Variants in PLAU observed in about 807,000 individuals in gnomAD.
The protein encoded by PLAU is urokinase-type plasminogen activator.
Under a neutral mutation model 48.9 loss-of-function variants are expected in PLAU, and 32 were observed. The observed-to-expected ratio is 0.65, with a 90% CI of 0.49 to 0.88. PLAU has a LOEUF of 0.88. PLAU is among the 40% of genes least tolerant of loss of function. PLAU has a pLI of 0.00. For synonymous variants in PLAU, 199 were observed against 205.7 expected, an observed-to-expected ratio of 0.97 and a Z score of 0.28; for missense variants, 455 against 545.2, an observed-to-expected ratio of 0.83 and a Z score of 1.65.
In PLAU at chr10:73,915,416, T is replaced by TC. The variant is rs1162049872; in HGVS notation, c.1119+18dup. ...TCCTGCCAGGTGAGTGTTCCAAGCA[T>TC]CTCTCTCCACCTCTTCCATATCTCC... On this transcript the variant is annotated intron_variant, in intron 10 of 10. Coordinates refer to ENST00000372764, the MANE Select transcript of PLAU (RefSeq NM_002658.6). 6.9e-6 allele frequency: 11 copies of TC among 1,591,162 alleles called. No homozygotes were observed. The Admixed American group carries it at 1.4e-4, about 20-fold the overall frequency.
At chr10:73,914,660 C>A in intron 8 of PLAU, 116 bp from the exon 9 acceptor site, 1 of 978,400 alleles carries the variant, frequency 1.0e-6, no homozygotes, top group Non-Finnish European at 1.5e-6. Flanking sequence ...CAGCAGACCT[C>A]CCTGGATGAC....
chr10:73,914,037 C>T lies in PLAU; in HGVS notation c.738C>T (p.Ser246=). 1.9e-6 allele frequency: 3 copies of T among 1,613,930 alleles called. No homozygotes were observed. Among genetic ancestry groups the T allele is most frequent in the Non-Finnish European group, 2.5e-6 (3 of 1,179,780 alleles). ...ACCTGGGTCGCTCAAGGCTTAACTC[C>T]AACACGCAAGGGGAGATGAAGTTTG... is the stretch of plus-strand genomic sequence containing the variant. The part of the protein sequence containing the change: ...IVYLGRSRLN[S]NTQGEMKFEV... The change falls in exon 8 of 11, where the codon TCC becomes TCT. Residue 246 remains serine (S), a synonymous_variant. Transcript: ENST00000372764.
rs750391337 is a variant in PLAU, at chr10:73,913,579, G to A, written c.501G>A (p.Gln167=). 1 of 1,613,808 alleles carries A rather than the reference G, an allele frequency of 6.2e-7. No individual in the cohort carries two copies. Among genetic ancestry groups the A allele is most frequent in the Admixed American group, 1.7e-5 (1 of 59,954 alleles). Residue 167 remains glutamine (Q), a synonymous_variant, in exon 7 of 11, where the codon CAG becomes CAA. Transcript: ENST00000372764. ...PSSPPEELKF[Q]CGQKTLRPRF... The stretch of plus-strand genomic sequence containing the variant: ...CTCCTCCAGAAGAATTAAAATTTCA[G>A]TGTGGCCAAAAGACTCTGAGGCCCC...
At chr10:73,915,061 G>A in intron 9 of PLAU, 145 bp downstream of exon 9, 1 of 1,050,352 alleles carries the variant, frequency 9.5e-7, no homozygotes, top group Non-Finnish European at 1.4e-6. Flanking sequence ...GATGAAGAGT[G>A]TTGTTTAGGG....
At position 73,912,224 on chromosome 10, in the gene PLAU, ACTGT is replaced by A. The variant is rs1246794053; in HGVS notation, c.98_101del (p.Cys33Ter). ...CCTTTGTTCTCTCCAGCGAACTGTGACTGTCTAAATGGAGGAACATGTGTGTCCA... is the reference window on the plus strand; with the variant it reads ...CCTTTGTTCTCTCCAGCGAACTGTGACTAAATGGAGGAACATGTGTGTCCA... On this transcript the variant is annotated frameshift_variant, in exon 4 of 11. Transcript: ENST00000372764. LOFTEE classifies it high-confidence loss of function. 5 of 1,614,010 alleles carry A rather than the reference ACTGT, an allele frequency of 3.1e-6. No homozygotes were observed. The Admixed American group carries it at 8.3e-5, about 27-fold the overall frequency.
intron 2 of PLAU, 151 bp downstream of exon 2, chr10:73,911,763 A>C (rs1297359816): frequency 6.4e-7 from 1 of 1,552,136 alleles, no homozygotes. Context: ...GTGGCAGCGG[A>C]GGCTTGAGAA....
chr10:73,912,291 A>G lies in PLAU; in HGVS notation c.162A>G (p.Pro54=), dbSNP rs142059320. 4,419 of 1,613,946 alleles carry G rather than the reference A, an allele frequency of 2.7e-3. 13 individuals are homozygous for G. Among genetic ancestry groups the G allele is most frequent in the Non-Finnish European group, 3.4e-3 (4,063 of 1,180,020 alleles). The change falls in exon 4 of 11, where the codon CCA becomes CCG. Residue 54 remains proline (P), a synonymous_variant. Transcript: ENST00000372764. ...CCAACATTCACTGGTGCAACTGCCC[A>G]AAGAAATTCGGAGGGCAGCACTGTG... ...YFSNIHWCNC[P]KKFGGQHCEI... is the part of the protein sequence containing the mutation.
intron 4 of PLAU, among the ~76,000 whole-genome samples, chr10:73,912,545 G>A (rs1014074238): frequency 8.5e-5 from 13 of 152,188 alleles, no homozygotes; most frequent in Admixed American, 2.6e-4. Flanking sequence ...GGTCTGAAAC[G>A]ACATCTTTAA....
chr10:73,912,152 A>G, intron 3 of PLAU, 63 bp from the exon 4 acceptor site: 1 of 1,612,914 alleles, frequency 6.2e-7, no homozygotes, highest in Non-Finnish European at 8.5e-7. Flanking sequence ...CCTCTGCTGC[A>G]GGGCTGCGCC....
In PLAU at chr10:73,914,183, C is replaced by T. The variant is rs1331013076; in HGVS notation, c.829+55C>T. 4 of 1,590,252 alleles carry T rather than the reference C, an allele frequency of 2.5e-6. No homozygotes were observed. In the East Asian group the frequency reaches 6.7e-5, roughly 27 times the overall value. On this transcript the variant is annotated intron_variant, in intron 8 of 10. Transcript: ENST00000372764. ...CATAATGGCTTGGGGAGAGTGGGAC[C>T]CAGGGAGAGACTGGAGCTGAGGTTG...
chr10:73,908,857 CAAAA>C (rs11339212), upstream of PLAU, among the ~76,000 whole-genome samples: 6 of 102,630 alleles, frequency 5.8e-5, no homozygotes, highest in Admixed American at 1.0e-4. Flanking sequence ...GACTCCGTCT[CAAAA>C]AAAAAAAAAA....
chr10:73,914,928 T>C lies in PLAU; in HGVS notation c.970+12T>C. The C allele has an allele frequency of 1.2e-6, 2 of 1,613,506 alleles. No individual in the cohort carries two copies. Among genetic ancestry groups the C allele is most frequent in the East Asian group, 2.2e-5 (1 of 44,886 alleles). ...AAAAGAGAATTCTAGTAAGTGACAA[T>C]TGCGACTGACTTAGAAGGTCCTGAG... On this transcript the variant is annotated intron_variant, in intron 9 of 10. Coordinates refer to ENST00000372764, the MANE Select transcript of PLAU (RefSeq NM_002658.6).
At chr10:73,909,759 C>T (rs1465042464), upstream of PLAU, among the ~76,000 whole-genome samples, 5 of 152,236 alleles carry the variant, frequency 3.3e-5, no homozygotes, top group East Asian at 7.7e-4. Context: ...CCTCCTCCTT[C>T]CCACTAAGAG....
At position 73,916,963 on chromosome 10, in the gene PLAU, C is replaced by T. The variant is rs190769030; in HGVS notation, c.*398C>T. 260 of 177,268 alleles carry T rather than the reference C, an allele frequency of 1.5e-3. 1 individual carries two copies. Among genetic ancestry groups the T allele is most frequent in the African/African-American group, 5.8e-3 (246 of 42,090 alleles). 11.0% of individuals were successfully genotyped at this position (177,268 alleles called of 1,614,324 possible). Reference sequence around the variant, plus strand: ...ATAATTTCCCAATTAGGAAGTGTAACAGCTGAGGTCTCTTGAGGGAGCTTA... The same window carrying T: ...ATAATTTCCCAATTAGGAAGTGTAATAGCTGAGGTCTCTTGAGGGAGCTTA... On this transcript the variant is annotated 3_prime_UTR_variant, in exon 11 of 11. Transcript: ENST00000372764.
At position 73,911,962 on chromosome 10, in the gene PLAU, A is replaced by G. The variant is rs1223618135; in HGVS notation, c.58-79A>G. The G allele has an allele frequency of 1.9e-6, 3 of 1,613,882 alleles. No homozygotes were observed. The Admixed American group carries it at 5.0e-5, about 27-fold the overall frequency. ...GGGAGAGGGAAGAGTGGGTTTTGGG[A>G]TTGGGGCCAGTTTACCCTCACCCTG... On this transcript the variant is annotated intron_variant, in intron 2 of 10. Transcript: ENST00000372764.
Position 73,913,570 on chromosome 10 carries a change from A to T in PLAU, c.492A>T (p.Leu164Phe). The T allele has an allele frequency of 6.2e-7, 1 of 1,613,682 alleles. No homozygotes were observed. The highest frequency in any genetic ancestry group is 1.7e-4 in the Middle Eastern group (1 of 6,052). The change falls in exon 7 of 11, where the codon TTA becomes TTT. Residue 164 changes from leucine (L) to phenylalanine (F), a missense_variant. Coordinates refer to ENST00000372764, the MANE Select transcript of PLAU (RefSeq NM_002658.6). ...AGCCCTCCTCTCCTCCAGAAGAATTAAAATTTCAGTGTGGCCAAAAGACTC... is the reference window on the plus strand; with the variant it reads ...AGCCCTCCTCTCCTCCAGAAGAATTTAAATTTCAGTGTGGCCAAAAGACTC... The part of the protein sequence containing the change: ...GKKPSSPPEE[L>F]KFQCGQKTLR...
intron 4 of PLAU, among the ~76,000 whole-genome samples, chr10:73,912,706 CCT>C (rs2096126992): frequency 6.6e-6 from 1 of 152,044 alleles, no homozygotes; most frequent in Non-Finnish European, 1.5e-5. Flanking sequence ...CAAAAATCAG[CCT>C]GGCATGGTAG....
rs772716620 is a variant in PLAU, at chr10:73,912,128, C to T, written c.85+60C>T. ...GACAAGTTGGGAAGGCTTCAGGGGA[C>T]ATCCCCTCCCTGCCCTCTGCTGCAG... On this transcript the variant is annotated intron_variant, in intron 3 of 10. Coordinates refer to ENST00000372764, the MANE Select transcript of PLAU (RefSeq NM_002658.6). 3.1e-6 allele frequency: 5 copies of T among 1,608,710 alleles called. No homozygotes were observed. The Admixed American group carries it at 8.4e-5, about 27-fold the overall frequency.
At position 73,917,009 on chromosome 10, in the gene PLAU, T is replaced by A. The variant is rs145634997; in HGVS notation, c.*444T>A. ...GCTTAGCCAATGTGGGAGCAGCGGT[T>A]TGGGGAGCAGAGACACTAACGACTT... On this transcript the variant is annotated 3_prime_UTR_variant, in exon 11 of 11. Transcript: ENST00000372764. 538 of 165,530 alleles carry A rather than the reference T, an allele frequency of 3.3e-3. 2 individuals are homozygous for A. The highest frequency in any genetic ancestry group is 7.3e-3 in the South Asian group (51 of 7,034). The allele number at this position is 165,530 out of a possible 1,614,324, so 10.3% of individuals were successfully genotyped here.
Sources: allele counts gnomAD v4.1 joint callset (sites outside exome capture counted in the v4.1 genomes callset), GRCh38; gene constraint gnomAD v4.1.1; transcripts MANE v1.5; gene names NCBI Gene and HGNC (gene_info 2026-07-23, HGNC 2026-07-21).